SOCS2: variants seen among roughly 807,000 people sequenced by gnomAD.
The protein encoded by SOCS2 is suppressor of cytokine signaling 2.
SOCS2 carries 10 observed loss-of-function variants against 18.6 expected under a neutral mutation model. The observed-to-expected ratio is 0.54, with a 90% confidence interval of 0.33 to 0.91. The LOEUF is 0.91. Among genes scored for constraint, SOCS2 ranks in the 40% least tolerant of loss-of-function variants. The pLI, the probability that SOCS2 is intolerant of heterozygous loss-of-function variation, is 0.02. For missense variants in SOCS2, 231 were observed against 247.2 expected, an observed-to-expected ratio of 0.93 and a Z score of 0.44; for synonymous variants, 104 against 104.0, an observed-to-expected ratio of 1.00 and a Z score of 0.00.
the SOCS2 span, among the ~76,000 whole-genome samples, chr12:93,599,236 A>C: frequency 6.8e-6 from 1 of 147,818 alleles, no homozygotes; most frequent in Non-Finnish European, 1.5e-5. Context: ...GCTTACGGTA[A>C]CTTCAAACTC....
rs115583840 is a variant in SOCS2, at chr12:93,581,785, G to C, written c.117-1238G>C. Among the ~76,000 whole-genome samples, 1,229 of 152,130 alleles carry C rather than the reference G, an allele frequency of 8.1e-3. 22 individuals carry two copies. Among genetic ancestry groups the C allele is most frequent in the African/African-American group, 0.027 (1,117 of 41,470 alleles). On this transcript the variant is annotated intron_variant, in intron 1 of 1. Coordinates refer to the SOCS2 transcript ENST00000549510. ...AGTAGGAAGTGTTCTTTCATTGAGG[G>C]AGCTCTTACAGACCATGAGAAAGGA...
At chr12:93,625,518 C>T in the SOCS2 span, among the ~76,000 whole-genome samples, 9 of 151,998 alleles carry the variant, frequency 5.9e-5, no homozygotes, top group African/African-American at 1.4e-4. Context: ...GAGGCCCAGG[C>T]GAGTGGATCA....
chr12:93,609,094 TA>T, the SOCS2 span, among the ~76,000 whole-genome samples: 1 of 151,648 alleles, frequency 6.6e-6, no homozygotes, highest in African/African-American at 2.4e-5. Flanking sequence ...ACCCTGTCTC[TA>T]TTTAAAAATA....
chr12:93,578,766 T>C (rs926337765), downstream of SOCS2, among the ~76,000 whole-genome samples: 3 of 152,026 alleles, frequency 2.0e-5, no homozygotes, highest in Non-Finnish European at 2.9e-5. Context: ...GCAGATATTT[T>C]AGTCTTAGGA....
the SOCS2 span, among the ~76,000 whole-genome samples, chr12:93,624,658 C>A: frequency 7.9e-5 from 12 of 152,270 alleles, no homozygotes; most frequent in African/African-American, 2.4e-4. Flanking sequence ...ATACTCATCA[C>A]CCAAGTCACT....
chr12:93,596,634 C>G, the SOCS2 span, among the ~76,000 whole-genome samples: 2 of 152,132 alleles, frequency 1.3e-5, no homozygotes, highest in South Asian at 2.1e-4. Context: ...TTGAGACCAG[C>G]CTGGCTAATA....
chr12:93,580,198 G>C (rs990665214), downstream of SOCS2, among the ~76,000 whole-genome samples: 1 of 152,134 alleles, frequency 6.6e-6, no homozygotes, highest in Non-Finnish European at 1.5e-5. Context: ...CCAGTTTCCG[G>C]TTTCCTACAG....
At chr12:93,591,751 A>G in the SOCS2 span, among the ~76,000 whole-genome samples, 1 of 152,198 alleles carries the variant, frequency 6.6e-6, no homozygotes, top group Non-Finnish European at 1.5e-5. Flanking sequence ...CAGGCTGACC[A>G]ACGTCAAGGC....
chr12:93,617,655 C>T, the SOCS2 span, among the ~76,000 whole-genome samples: 1 of 151,502 alleles, frequency 6.6e-6, no homozygotes, highest in South Asian at 2.1e-4. Flanking sequence ...TTTATATTTA[C>T]TTCAAAATAT....
At chr12:93,591,245 A>G in the SOCS2 span, among the ~76,000 whole-genome samples, 42 of 151,978 alleles carry the variant, frequency 2.8e-4, no homozygotes, top group South Asian at 6.6e-3. Context: ...GTTTTTTAAA[A>G]AAAAAACAAA....
downstream of SOCS2, among the ~76,000 whole-genome samples, chr12:93,585,904 G>A (rs879584477): frequency 3.9e-5 from 6 of 152,004 alleles, no homozygotes; most frequent in Non-Finnish European, 7.4e-5. Flanking sequence ...GCATATAACC[G>A]GCATACACCC....
At chr12:93,581,060 G>A (rs1954533203), downstream of SOCS2, among the ~76,000 whole-genome samples, 1 of 152,068 alleles carries the variant, frequency 6.6e-6, no homozygotes, top group South Asian at 2.1e-4. Context: ...GCAACAAACT[G>A]GCTAAAAAAA....
intron 1 of SOCS2, 36 bp downstream of exon 1, chr12:93,573,072 G>T (rs1304624531): frequency 6.5e-7 from 1 of 1,547,638 alleles, no homozygotes; most frequent in Admixed American, 1.9e-5. Flanking sequence ...GTGCGGGAGG[G>T]AGCGCCTCCC....
chr12:93,574,562 G>A, intron 1 of SOCS2, 160 bp from the exon 2 acceptor site: 1 of 476,820 alleles, frequency 2.1e-6, no homozygotes, highest in East Asian at 3.3e-5. Context: ...CCTACTGAAA[G>A]TATTTGTGGT....
At chr12:93,607,779 G>A in the SOCS2 span, among the ~76,000 whole-genome samples, 1 of 152,148 alleles carries the variant, frequency 6.6e-6, no homozygotes, top group Non-Finnish European at 1.5e-5. Context: ...GCATCATCGT[G>A]TGATGGGAAC....
At chr12:93,589,668 C>T in the SOCS2 span, among the ~76,000 whole-genome samples, 2 of 152,232 alleles carry the variant, frequency 1.3e-5, no homozygotes, top group East Asian at 1.9e-4. Context: ...TACTTTGGTT[C>T]GCTTGCTGAA....
At chr12:93,607,810 AG>A in the SOCS2 span, among the ~76,000 whole-genome samples, 5 of 152,256 alleles carry the variant, frequency 3.3e-5, no homozygotes, top group East Asian at 9.6e-4. Flanking sequence ...AGTCAGCCTG[AG>A]GGTCCTGGCC....
the SOCS2 span, among the ~76,000 whole-genome samples, chr12:93,597,619 A>G: frequency 6.6e-6 from 1 of 152,152 alleles, no homozygotes; most frequent in African/African-American, 2.4e-5. Context: ...CCCGAACTCA[A>G]ATCTCGCTTT....
chr12:93,619,749 A>G, the SOCS2 span, among the ~76,000 whole-genome samples: 6 of 152,252 alleles, frequency 3.9e-5, no homozygotes, highest in African/African-American at 1.4e-4. Context: ...CACTAAACAT[A>G]TATTGCATGT....
Sources: gnomAD v4.1 joint callset for allele counts (sites outside exome capture counted in the v4.1 genomes callset) on GRCh38, gnomAD v4.1.1 for gene constraint, MANE v1.5 for transcripts, NCBI Gene and HGNC (gene_info 2026-07-23, HGNC 2026-07-21) for gene names.